The following TENM2 variants were observed in gnomAD, a reference collection of about 807,000 sequenced individuals.
TENM2 encodes teneurin-2.
TENM2 carries 52 observed loss-of-function variants against 245.2 expected under a neutral mutation model. The ratio of observed to expected loss-of-function variants is 0.21; its 90% CI spans 0.17 to 0.27. The LOEUF is 0.27. Among genes scored for constraint, TENM2 ranks in the 10% least tolerant of loss-of-function variants. The pLI is 1.00. For missense variants in TENM2, 3,046 were observed against 3,666.8 expected, an observed-to-expected ratio of 0.83 and a Z score of 4.37; for synonymous variants, 1,363 against 1,438.9, an observed-to-expected ratio of 0.95 and a Z score of 1.19.
intron 2 of TENM2, among the ~76,000 whole-genome samples, chr5:167,518,246 ACTTT>A (rs1364747221): frequency 1.3e-5 from 2 of 151,996 alleles, no homozygotes; most frequent in Non-Finnish European, 2.9e-5. Flanking sequence ...AATGACATTC[ACTTT>A]CTGTCTAATG....
chr5:167,604,486 C>T (rs1351920835), intron 2 of TENM2, among the ~76,000 whole-genome samples: 1 of 152,110 alleles, frequency 6.6e-6, no homozygotes, highest in Non-Finnish European at 1.5e-5. Context: ...AGCTTAATCA[C>T]CGTTAATCTT....
chr5:168,125,173 A>T, intron 11 of TENM2, 123 bp downstream of exon 13: 2 of 805,150 alleles, frequency 2.5e-6, no homozygotes, highest in Non-Finnish European at 3.9e-6. Flanking sequence ...TTGATGAATC[A>T]CATTGTGTCT....
chr5:167,813,871 A>ACATACATCTGT (rs1766833670), intron 2 of TENM2, among the ~76,000 whole-genome samples: 3 of 152,152 alleles, frequency 2.0e-5, no homozygotes, highest in African/African-American at 7.2e-5. Flanking sequence ...ACATATTACA[A>ACATACATCTGT]TGCAGGAAGG....
At chr5:167,062,011 T>G in the TENM2 span, among the ~76,000 whole-genome samples, 1 of 152,058 alleles carries the variant, frequency 6.6e-6, no homozygotes, top group Middle Eastern at 3.4e-3. Flanking sequence ...TGCAGGGATG[T>G]GCTGAACAGC....
At chr5:167,685,874 G>A (rs1197129883) in intron 2 of TENM2, among the ~76,000 whole-genome samples, 3 of 130,776 alleles carry the variant, frequency 2.3e-5, no homozygotes, top group Non-Finnish European at 5.5e-5. Context: ...TTTTTCAACA[G>A]TGTATGGTTG....
intron 2 of TENM2, among the ~76,000 whole-genome samples, chr5:167,630,499 T>C (rs1778797116): frequency 6.6e-6 from 1 of 152,188 alleles, no homozygotes; most frequent in South Asian, 2.1e-4. Flanking sequence ...ATTTTTCATT[T>C]AGTATTTTCA....
chr5:167,432,588 A>G (rs1314877995), intron 2 of TENM2, among the ~76,000 whole-genome samples: 2 of 152,062 alleles, frequency 1.3e-5, no homozygotes, highest in Non-Finnish European at 2.9e-5. Context: ...AAACAGCAAT[A>G]AATCATTATT....
chr5:167,388,737 A>G (rs1035168482), intron 2 of TENM2, among the ~76,000 whole-genome samples: 1 of 151,960 alleles, frequency 6.6e-6, no homozygotes, highest in Non-Finnish European at 1.5e-5. Context: ...TTTACTTTCC[A>G]TCGCGATTTC....
chr5:167,841,352 C>T (rs1769500783), intron 2 of TENM2, among the ~76,000 whole-genome samples: 1 of 152,156 alleles, frequency 6.6e-6, no homozygotes, highest in African/African-American at 2.4e-5. Context: ...CTACCACACC[C>T]TGCCGTCATT....
chr5:167,436,695 T>C (rs994918640), intron 2 of TENM2, among the ~76,000 whole-genome samples: 2 of 152,026 alleles, frequency 1.3e-5, no homozygotes, highest in Non-Finnish European at 2.9e-5. Context: ...GGGCCCAGGG[T>C]TCCCGTGCTG....
Position 168,227,809 on chromosome 5 carries a change from A to T in TENM2, c.5285-86A>T, listed in dbSNP as rs1374902341. The T allele has an allele frequency of 3.4e-5, 28 of 818,832 alleles. No homozygotes were observed. The East Asian group carries it at 5.8e-4, about 17-fold the overall frequency. The allele number at this position is 818,832 out of a possible 1,614,324, so 50.7% of individuals were successfully genotyped here. A position where few individuals can be genotyped will look rare whatever the true frequency, so the allele number is the denominator to read the frequency against. On this transcript the variant is annotated intron_variant, in intron 24 of 28. Transcript: ENST00000518659. ...CTGCAAAGTACCATGGAAACCTATT[A>T]AAAAAAAATAGGGGTTCTATTCTCT...
chr5:167,385,672 CCT>C (rs753197211), intron 2 of TENM2, among the ~76,000 whole-genome samples: 5 of 151,940 alleles, frequency 3.3e-5, no homozygotes, highest in Non-Finnish European at 5.9e-5. Context: ...ACCCTTTCCC[CCT>C]GAGTCCCCAA....
chr5:167,265,347 A>G, the TENM2 span, among the ~76,000 whole-genome samples: 1 of 151,066 alleles, frequency 6.6e-6, no homozygotes, highest in Non-Finnish European at 1.5e-5. Flanking sequence ...AAAAAAAAAA[A>G]AAAAAAAAAA....
intron 3 of TENM2, among the ~76,000 whole-genome samples, chr5:167,901,105 G>A (rs1775667446): frequency 6.6e-6 from 1 of 152,006 alleles, no homozygotes; most frequent in Admixed American, 6.6e-5. Context: ...AATTTAAGAA[G>A]ACAATGAAAA....
At position 167,507,718 on chromosome 5, in the gene TENM2, AT is replaced by A. The variant is rs572982620; in HGVS notation, c.502+132246del. The stretch of plus-strand genomic sequence containing the variant: ...GCTCAATGAAAACTAAAATAAAAAA[AT>A]AAAACAATTACCAGGTTGCTGTGTA... On this transcript the variant is annotated intron_variant, in intron 2 of 28. Coordinates refer to ENST00000518659, the Ensembl canonical transcript of TENM2. Among the ~76,000 whole-genome samples, 1,274 of 152,332 alleles carry A rather than the reference AT, an allele frequency of 8.4e-3. 22 individuals are homozygous for A. The highest frequency in any genetic ancestry group is 0.029 in the African/African-American group (1,194 of 41,574).
chr5:167,913,162 T>G (rs1417843294), intron 3 of TENM2, among the ~76,000 whole-genome samples: 1 of 152,210 alleles, frequency 6.6e-6, no homozygotes, highest in Non-Finnish European at 1.5e-5. Flanking sequence ...GCCAGCTGGT[T>G]GGTGGACCAT....
At chr5:167,008,273 A>G in the TENM2 span, among the ~76,000 whole-genome samples, 1 of 152,080 alleles carries the variant, frequency 6.6e-6, no homozygotes, top group Non-Finnish European at 1.5e-5. Flanking sequence ...GTTTTCTGTC[A>G]TAGGGTAGAT....
intron 1 of TENM2, among the ~76,000 whole-genome samples, chr5:167,347,957 C>T (rs993331205): frequency 6.6e-6 from 1 of 152,160 alleles, no homozygotes; most frequent in Non-Finnish European, 1.5e-5. Flanking sequence ...GGGGCAACCA[C>T]CAAACAGTCC....
intron 1 of TENM2, among the ~76,000 whole-genome samples, chr5:167,296,858 G>C (rs1399955586): frequency 2.0e-5 from 3 of 152,216 alleles, no homozygotes; most frequent in Non-Finnish European, 4.4e-5. Flanking sequence ...CTACAGCAAA[G>C]TGCTGAGTTG....
Sources: gnomAD v4.1 joint callset for allele counts (sites outside exome capture counted in the v4.1 genomes callset) on GRCh38, gnomAD v4.1.1 for gene constraint, MANE v1.5 for transcripts, NCBI Gene and HGNC (gene_info 2026-07-23, HGNC 2026-07-21) for gene names.